Variants in AMPH observed in about 807,000 individuals in gnomAD.
AMPH encodes amphiphysin (Stiff-Mann syndrome with breast cancer 128kD autoantigen).
In AMPH, 49 loss-of-function variants were observed where a neutral mutation model predicts 99.1. The observed-to-expected ratio is 0.49, with a 90% confidence interval of 0.39 to 0.63. The LOEUF is 0.63. AMPH is among the 20% of genes least tolerant of loss of function. The pLI is 0.00. For missense variants in AMPH, 759 were observed against 863.4 expected (o/e 0.88, Z 1.52); for synonymous variants, 314 against 317.3 (o/e 0.99, Z 0.11).
intron 1 of AMPH, among the ~76,000 whole-genome samples, chr7:38,627,058 C>T (rs982786021): frequency 3.3e-5 from 5 of 152,118 alleles, no homozygotes; most frequent in South Asian, 4.1e-4. Flanking sequence ...AGTTCCCTAC[C>T]TCCTCCACTA....
chr7:38,427,373 G>A (rs1785817684), intron 14 of AMPH, among the ~76,000 whole-genome samples: 1 of 152,138 alleles, frequency 6.6e-6, no homozygotes, highest in Non-Finnish European at 1.5e-5. Flanking sequence ...TTGATGAACA[G>A]CAATTATGAT....
chr7:38,427,234 C>T (rs1369880638), intron 14 of AMPH, among the ~76,000 whole-genome samples: 2 of 151,212 alleles, frequency 1.3e-5, no homozygotes, highest in Non-Finnish European at 2.9e-5. Flanking sequence ...TTGGTGCCAA[C>T]CAAAACCCAC....
chr7:38,626,346 T>C (rs141575637), intron 1 of AMPH, among the ~76,000 whole-genome samples: 5,621 of 152,002 alleles, frequency 0.037, 170 homozygotes, highest in Admixed American at 0.079. Context: ...CCAAAACAGA[T>C]ATATAGACCA....
rs186419063 is a variant in AMPH, at chr7:38,412,378, T to C, written c.1398+5447A>G. On this transcript the variant is annotated intron_variant, in intron 17 of 20. Transcript: ENST00000356264. Reference sequence around the variant, plus strand: ...TTCACATAGATTTATAACAACACTCTGAATAAACAATGACATTTATTAAAA... The same window carrying C: ...TTCACATAGATTTATAACAACACTCCGAATAAACAATGACATTTATTAAAA... Among the ~76,000 whole-genome samples, 234 of 152,332 alleles carry C rather than the reference T, an allele frequency of 1.5e-3. 2 individuals carry two copies. Among genetic ancestry groups the C allele is most frequent in the African/African-American group, 5.4e-3 (225 of 41,570 alleles).
chr7:38,545,320 G>C (rs1486815375), intron 1 of AMPH, among the ~76,000 whole-genome samples: 1 of 152,096 alleles, frequency 6.6e-6, no homozygotes, highest in East Asian at 1.9e-4. Context: ...TCTGGGCTTG[G>C]GGAATAAGGG....
intron 5 of AMPH, among the ~76,000 whole-genome samples, chr7:38,477,731 A>C (rs11767573): frequency 0.31 from 47,694 of 151,908 alleles, 8,566 homozygotes; most frequent in Non-Finnish European, 0.42. Context: ...AAAAGCTTTA[A>C]GCCGCTTGAG....
intron 4 of AMPH, 89 bp downstream of exon 4, chr7:38,494,344 T>G (rs1223915930): frequency 9.2e-7 from 1 of 1,084,526 alleles, no homozygotes; most frequent in East Asian, 2.4e-5. Flanking sequence ...GCCTCATGAT[T>G]AAGACTGTGA....
intron 1 of AMPH, among the ~76,000 whole-genome samples, chr7:38,602,670 T>G (rs568039332): frequency 1.3e-5 from 2 of 152,196 alleles, no homozygotes; most frequent in Non-Finnish European, 1.5e-5. Flanking sequence ...CTACAAAGTC[T>G]CTTTTGTCAG....
At chr7:38,621,820 G>A (rs1378080743) in intron 1 of AMPH, among the ~76,000 whole-genome samples, 6 of 152,086 alleles carry the variant, frequency 3.9e-5, no homozygotes, top group Non-Finnish European at 2.9e-5. Context: ...TCAAAACTAA[G>A]ATCTTATCCA....
rs1562802776 is a variant in AMPH, at chr7:38,518,065, CTT to C, written c.151-14363_151-14362del. On this transcript the variant is annotated intron_variant, in intron 2 of 20. Transcript: ENST00000356264. ...GCTCCCCACTTCTCAGTGCAGCACT[CTT>C]TGCCCAGCCCAGCTGTGGCTCAAGT... Among the ~76,000 whole-genome samples, 13 of 152,324 alleles carry C rather than the reference CTT, an allele frequency of 8.5e-5. 1 individual carries two copies. The East Asian group carries it at 2.5e-3, about 29-fold the overall frequency.
chr7:38,595,237 C>T (rs911394335), intron 1 of AMPH, among the ~76,000 whole-genome samples: 2 of 152,192 alleles, frequency 1.3e-5, no homozygotes, highest in African/African-American at 4.8e-5. Context: ...CCCTTCCTCT[C>T]CTCCACATAT....
intron 2 of AMPH, among the ~76,000 whole-genome samples, chr7:38,525,612 C>A (rs12536339): frequency 0.49 from 73,600 of 151,392 alleles, 18,632 homozygotes; most frequent in African/African-American, 0.64. Flanking sequence ...CCAAACCCCC[C>A]TCACTCACTC....
chr7:38,431,414 T>C (rs1357305246), intron 13 of AMPH, among the ~76,000 whole-genome samples: 2 of 152,114 alleles, frequency 1.3e-5, no homozygotes, highest in African/African-American at 2.4e-5. Flanking sequence ...TCCCAGCACT[T>C]TGGGAGGCCG....
chr7:38,583,658 G>A (rs1792545493), intron 1 of AMPH, among the ~76,000 whole-genome samples: 1 of 152,160 alleles, frequency 6.6e-6, no homozygotes, highest in Admixed American at 6.5e-5. Flanking sequence ...TGGACAATAA[G>A]AATACTAAAG....
intron 5 of AMPH, among the ~76,000 whole-genome samples, chr7:38,477,254 AG>A (rs1247791242): frequency 6.6e-6 from 1 of 152,076 alleles, no homozygotes; most frequent in Non-Finnish European, 1.5e-5. Context: ...AAAATAATCC[AG>A]AATTGGTCAG....
At chr7:38,570,620 CATA>C (rs939765179) in intron 1 of AMPH, among the ~76,000 whole-genome samples, 1 of 151,792 alleles carries the variant, frequency 6.6e-6, no homozygotes, top group African/African-American at 2.4e-5. Context: ...ATGTACAGAA[CATA>C]ATGATAGTGA....
chr7:38,576,719 A>G (rs1296236649), intron 1 of AMPH, among the ~76,000 whole-genome samples: 1 of 152,188 alleles, frequency 6.6e-6, no homozygotes, highest in East Asian at 1.9e-4. Flanking sequence ...CAGAACCCCC[A>G]GACTCATGCC....
intron 1 of AMPH, among the ~76,000 whole-genome samples, chr7:38,625,873 A>G (rs1794221293): frequency 6.6e-6 from 1 of 152,238 alleles, no homozygotes; most frequent in Non-Finnish European, 1.5e-5. Context: ...ATAGAAACTC[A>G]TGAAGCTGAA....
At chr7:38,459,089 C>G (rs1018348020) in intron 11 of AMPH, among the ~76,000 whole-genome samples, 2 of 151,664 alleles carry the variant, frequency 1.3e-5, no homozygotes, top group African/African-American at 4.8e-5. Context: ...CAATAAAGAG[C>G]CAGAAGGGAA....
Sources: gnomAD v4.1 joint callset for allele counts (sites outside exome capture counted in the v4.1 genomes callset) on GRCh38, gnomAD v4.1.1 for gene constraint, MANE v1.5 for transcripts, NCBI Gene and HGNC (gene_info 2026-07-23, HGNC 2026-07-21) for gene names.